POFUT3: variants seen among roughly 807,000 people sequenced by gnomAD.
The protein encoded by POFUT3 is GDP-fucose protein O-fucosyltransferase 3.
the POFUT3 span, among the ~76,000 whole-genome samples, chr8:33,359,168 G>A: frequency 6.6e-6 from 1 of 152,154 alleles, no homozygotes. Flanking sequence ...TGATGCAAAT[G>A]TGGCAAGATA....
chr8:33,315,534 A>G, the POFUT3 span, among the ~76,000 whole-genome samples: 2 of 152,074 alleles, frequency 1.3e-5, no homozygotes, highest in South Asian at 4.1e-4. Context: ...GGTCGTGAAG[A>G]GGGGGTCAGA....
chr8:33,312,759 C>G, the POFUT3 span, among the ~76,000 whole-genome samples: 4 of 152,120 alleles, frequency 2.6e-5, no homozygotes, highest in Admixed American at 2.6e-4. Context: ...ATCCCCAGAA[C>G]GCTATTTCCA....
At chr8:33,417,619 G>A in the POFUT3 span, among the ~76,000 whole-genome samples, 41,010 of 151,924 alleles carry the variant, frequency 0.27, 5,899 homozygotes, top group South Asian at 0.44. Context: ...CTCCACGATG[G>A]GAATATTCAG....
At chr8:33,403,871 T>A in the POFUT3 span, among the ~76,000 whole-genome samples, 1 of 151,354 alleles carries the variant, frequency 6.6e-6, no homozygotes. Context: ...AAATAAGAGG[T>A]GAAAATCCCC....
the POFUT3 span, among the ~76,000 whole-genome samples, chr8:33,405,582 T>C: frequency 7.2e-5 from 11 of 152,342 alleles, no homozygotes; most frequent in African/African-American, 2.2e-4. Context: ...ACTTTTAACC[T>C]GACCTTTGGT....
the POFUT3 span, among the ~76,000 whole-genome samples, chr8:33,410,765 T>C: frequency 1.3e-5 from 2 of 152,286 alleles, no homozygotes; most frequent in Non-Finnish European, 1.5e-5. Context: ...TTGGGTTGAC[T>C]CTTCCATCTG....
the POFUT3 span, among the ~76,000 whole-genome samples, chr8:33,311,923 CAT>C: frequency 4.6e-5 from 7 of 152,102 alleles, no homozygotes; most frequent in African/African-American, 1.7e-4. Flanking sequence ...AAAGATGAAA[CAT>C]ACTGAATTAA....
the POFUT3 span, among the ~76,000 whole-genome samples, chr8:33,309,152 A>T: frequency 5.9e-4 from 25 of 42,604 alleles, 1 homozygote; most frequent in African/African-American, 3.2e-3. Context: ...AAAAAAAAAA[A>T]AAAAAAAAAA....
chr8:33,315,184 C>T, the POFUT3 span, among the ~76,000 whole-genome samples: 9 of 152,170 alleles, frequency 5.9e-5, no homozygotes, highest in East Asian at 3.9e-4. Flanking sequence ...AATGCTTTCA[C>T]TATACTGCCA....
At chr8:33,415,161 C>G in the POFUT3 span, among the ~76,000 whole-genome samples, 4 of 152,006 alleles carry the variant, frequency 2.6e-5, no homozygotes, top group Non-Finnish European at 5.9e-5. Context: ...ACTCAGGAGG[C>G]TGAGGCAGAA....
chr8:33,407,569 T>C, the POFUT3 span, among the ~76,000 whole-genome samples: 1 of 152,094 alleles, frequency 6.6e-6, no homozygotes, highest in African/African-American at 2.4e-5. Flanking sequence ...AAAACCAAAT[T>C]ATAGAGAATG....
the POFUT3 span, among the ~76,000 whole-genome samples, chr8:33,446,375 C>G: frequency 1.3e-5 from 2 of 150,172 alleles, no homozygotes; most frequent in African/African-American, 4.9e-5. Context: ...GAGAATCTCT[C>G]GAACACAGGA....
chr8:33,394,073 T>C, the POFUT3 span: 32 of 155,288 alleles, frequency 2.1e-4, no homozygotes, highest in Admixed American at 5.2e-4. Context: ...TAGTCCCAGA[T>C]ATTCAGGAGG....
At chr8:33,319,395 A>G in the POFUT3 span, among the ~76,000 whole-genome samples, 62 of 50,716 alleles carry the variant, frequency 1.2e-3, no homozygotes, top group African/African-American at 6.0e-3. Context: ...ATATATTTTT[A>G]TATATAGTAT....
the POFUT3 span, among the ~76,000 whole-genome samples, chr8:33,328,699 C>T: frequency 7.9e-5 from 12 of 152,178 alleles, no homozygotes; most frequent in Non-Finnish European, 1.5e-4. Context: ...AGTCACAACC[C>T]TTTATTAGCT....
At chr8:33,321,936 C>A in the POFUT3 span, among the ~76,000 whole-genome samples, 1 of 152,094 alleles carries the variant, frequency 6.6e-6, no homozygotes, top group Non-Finnish European at 1.5e-5. Context: ...AATAAAATGG[C>A]TTATTTAACT....
the POFUT3 span, among the ~76,000 whole-genome samples, chr8:33,436,042 C>A: frequency 1.3e-5 from 2 of 151,896 alleles, no homozygotes; most frequent in Non-Finnish European, 2.9e-5. Flanking sequence ...CACAATGAGG[C>A]CTGCTGGGAG....
the POFUT3 span, chr8:33,372,136 C>T: frequency 4.0e-6 from 4 of 987,714 alleles, no homozygotes; most frequent in East Asian, 1.1e-4. Context: ...CAGATGGGAT[C>T]TCTCATTGCC....
chr8:33,428,893 C>T, the POFUT3 span, among the ~76,000 whole-genome samples: 3 of 152,286 alleles, frequency 2.0e-5, no homozygotes, highest in East Asian at 5.8e-4. Context: ...ATTTCTGTTG[C>T]ATATTAATTA....
Sources: allele counts gnomAD v4.1 joint callset (sites outside exome capture counted in the v4.1 genomes callset), GRCh38; gene constraint gnomAD v4.1.1; transcripts MANE v1.5; gene names NCBI Gene and HGNC (gene_info 2026-07-23, HGNC 2026-07-21).